The following LTA4H variants were observed in gnomAD, a reference collection of about 807,000 sequenced individuals.
LTA4H encodes leukotriene A4 hydrolase.
A neutral mutation model predicts 89.8 loss-of-function variants in LTA4H; 59 were observed. That is an observed-to-expected ratio of 0.66 (90% CI 0.53 to 0.82). The LOEUF (loss-of-function observed/expected upper bound fraction) is 0.82. LTA4H is among the 40% of genes least tolerant of loss of function. The pLI, the probability that LTA4H is intolerant of heterozygous loss-of-function variation, is 0.00. For synonymous variants in LTA4H, 227 were observed against 253.1 expected, an observed-to-expected ratio of 0.90 and a Z score of 0.98; for missense variants, 617 against 727.0, an observed-to-expected ratio of 0.85 and a Z score of 1.74.
chr12:96,032,055 A>G (rs973927365), intron 1 of LTA4H, among the ~76,000 whole-genome samples: 18 of 152,238 alleles, frequency 1.2e-4, no homozygotes, highest in South Asian at 2.1e-4. Context: ...AGAATTACCT[A>G]TTGTTAACTG....
upstream of LTA4H, among the ~76,000 whole-genome samples, chr12:96,038,144 A>G (rs567580387): frequency 9.8e-5 from 15 of 152,316 alleles, no homozygotes; most frequent in Non-Finnish European, 1.9e-4. Flanking sequence ...TAAAGATTTC[A>G]GAGGTGTGAG....
Position 96,015,644 on chromosome 12 carries a change from A to G in LTA4H, c.998T>C (p.Leu333Ser), listed in dbSNP as rs375869173. The change falls in exon 11 of 19, where the codon TTG becomes TCG. Residue 333 changes from leucine to serine, a missense_variant. Leu to Ser is a moderately radical substitution (Grantham distance 145, BLOSUM62 -2). Around this residue, in one of 3 missense-constraint regions of LTA4H, gnomAD observed 290 missense variants for 339.1 expected, o/e 0.86. Coordinates refer to ENST00000228740, the MANE Select transcript of LTA4H (RefSeq NM_000895.3). The stretch of plus-strand genomic sequence containing the variant: ...AAAATGTCTGAACTTTTCACCAAAC[A>G]ATCGTCCGCAAATGTGGCGTTCCAA... ...VYLERHICGR[L>S]FGEKFRHFNA... 67 of 1,614,028 alleles carry G rather than the reference A, an allele frequency of 4.2e-5. No individual in the cohort carries two copies. The highest frequency in any genetic ancestry group is 5.6e-5 in the Non-Finnish European group (66 of 1,179,996).
chr12:96,029,078 G>A lies in LTA4H; in HGVS notation c.267C>T (p.Ile89=). The change falls in exon 2 of 19, where the codon ATC becomes ATT. Residue 89 remains isoleucine, a synonymous_variant. Transcript: ENST00000228740. Reference sequence around the variant, plus strand: ...ACTTGCTCAAAGCGATAGGAAGAGAGATTTCCATTGGCGATCCCTTGTAAC... The same window carrying A: ...ACTTGCTCAAAGCGATAGGAAGAGAAATTTCCATTGGCGATCCCTTGTAAC... The part of the protein sequence containing the change: ...RQSYKGSPME[I]SLPIALSKNQ... 1 of 1,589,358 alleles carries A rather than the reference G, an allele frequency of 6.3e-7. No homozygotes were observed. Among genetic ancestry groups the A allele is most frequent in the Non-Finnish European group, 8.6e-7 (1 of 1,168,640 alleles).
At chr12:96,020,112 C>T (rs184016763) in intron 6 of LTA4H, among the ~76,000 whole-genome samples, 1 of 151,856 alleles carries the variant, frequency 6.6e-6, no homozygotes, top group Admixed American at 6.6e-5. Context: ...CTTATGTTGC[C>T]CGGCCTGGTC....
intron 18 of LTA4H, among the ~76,000 whole-genome samples, chr12:96,001,576 T>A (rs1024156143): frequency 9.9e-5 from 15 of 152,138 alleles, no homozygotes; most frequent in African/African-American, 3.4e-4. Flanking sequence ...AAACTGCTTT[T>A]AAAAAAAATT....
In LTA4H at chr12:96,017,559, T is replaced by G. The variant is rs1345964123; in HGVS notation, c.874A>C (p.Asn292His). The change falls in exon 9 of 19, where the codon AAT (asparagine) becomes CAT (histidine). Residue 292 changes from asparagine (N) to histidine (H), a missense_variant and splice_region_variant. By Grantham distance (68) the Asn-to-His change is moderately conservative. Coordinates refer to ENST00000228740, the MANE Select transcript of LTA4H (RefSeq NM_000895.3). ...CATAATGAAAAAGTTTAACTTACAT[T>G]GGAGAGTGACTTGTCGCCTGCCTAC... ...TLLAGDKSLS[N>H]VIAHEISHSW... The G allele has an allele frequency of 3.7e-6, 6 of 1,610,396 alleles. No homozygotes were observed. The highest frequency in any genetic ancestry group is 2.7e-5 in the African/African-American group (2 of 74,816).
chr12:96,043,444 G>C, exon 1 of LTA4H: 1 of 943,190 alleles, frequency 1.1e-6, no homozygotes, highest in Non-Finnish European at 1.6e-6. Flanking sequence ...GCATCCTCTT[G>C]CCCTCTTCCC....
Position 96,018,111 on chromosome 12 carries a change from C to T in LTA4H, c.853-531G>A, listed in dbSNP as rs116255620. Among the ~76,000 whole-genome samples the T allele has an allele frequency of 5.2e-3, 791 of 152,208 alleles. 3 individuals carry two copies. The highest frequency in any genetic ancestry group is 0.018 in the African/African-American group (761 of 41,528). On this transcript the variant is annotated intron_variant, in intron 8 of 18. Coordinates refer to ENST00000228740, the MANE Select transcript of LTA4H (RefSeq NM_000895.3). The stretch of plus-strand genomic sequence containing the variant: ...GATTTTTTTTTTAATTGTACCTACA[C>T]ACCAAGTGTAATTGGTATAGTCTGA...
intron 5 of LTA4H, among the ~76,000 whole-genome samples, 179 bp from the exon 6 acceptor site, chr12:96,021,316 T>C (rs1950449798): frequency 6.6e-6 from 1 of 152,234 alleles, no homozygotes; most frequent in Non-Finnish European, 1.5e-5. Flanking sequence ...TAGCTTAAAA[T>C]TGTGATATAA....
chr12:96,021,707 G>A (rs1195913979), intron 5 of LTA4H, among the ~76,000 whole-genome samples: 1 of 149,248 alleles, frequency 6.7e-6, no homozygotes, highest in African/African-American at 2.5e-5. Flanking sequence ...ACACACTCAC[G>A]CATGCATACA....
At chr12:96,025,183 T>C (rs1390056115) in intron 3 of LTA4H, 1 of 152,230 alleles carries the variant, frequency 6.6e-6, no homozygotes, top group Non-Finnish European at 1.5e-5. Flanking sequence ...ACCTGAGAAG[T>C]ATGGCATACT....
At position 96,009,133 on chromosome 12, in the gene LTA4H, C is replaced by CA; in HGVS notation, c.1394dup (p.Thr466AspfsTer18). On this transcript the variant is annotated frameshift_variant, in exon 15 of 19. Transcript: ENST00000228740. LOFTEE classifies it high-confidence loss of function. ...GACTTAAGGCAATACAAGCATTTGT[C>CA]AGAGTCATATCATAACTGCAAAGAT... 6.2e-7 allele frequency: 1 copy of CA among 1,605,914 alleles called. No individual in the cohort carries two copies. Among genetic ancestry groups the CA allele is most frequent in the South Asian group, 1.1e-5 (1 of 90,808 alleles).
rs2136895714 is a variant in LTA4H at position 96,019,047 on chromosome 12, C to T, written c.711+121G>A. Reference sequence around the variant, plus strand: ...TGATAAAAAGAATGTAGCAACTACACATCTACATAAAAGACAATCTGGTTC... The same window carrying T: ...TGATAAAAAGAATGTAGCAACTACATATCTACATAAAAGACAATCTGGTTC... On this transcript the variant is annotated intron_variant, in intron 7 of 18. Transcript: ENST00000228740. The T allele has an allele frequency of 5.2e-6, 6 of 1,146,738 alleles. No individual in the cohort carries two copies. In the Admixed American group the frequency reaches 9.8e-5, roughly 19 times the overall value. 71.0% of individuals were successfully genotyped at this position (1,146,738 alleles called of 1,614,324 possible). A position where few individuals can be genotyped will look rare whatever the true frequency, so the allele number is the denominator to read the frequency against.
intron 5 of LTA4H, 23 bp from the exon 6 acceptor site, chr12:96,021,160 C>A (rs767489650): frequency 1.3e-6 from 2 of 1,570,006 alleles, no homozygotes; most frequent in African/African-American, 2.8e-5. Flanking sequence ...AACAAACGCA[C>A]ACCACGTGCT....
intron 13 of LTA4H, 39 bp from the exon 14 acceptor site, chr12:96,013,297 C>G (rs773607477): frequency 6.3e-6 from 9 of 1,423,668 alleles, no homozygotes; most frequent in Non-Finnish European, 8.9e-6. Context: ...AATAGAATGC[C>G]CTTTCCTGTC....
chr12:96,028,200 G>C (rs1387512540), intron 2 of LTA4H, among the ~76,000 whole-genome samples: 1 of 152,148 alleles, frequency 6.6e-6, no homozygotes, highest in Non-Finnish European at 1.5e-5. Context: ...CTGATAATAA[G>C]GAAACAGCAG....
chr12:96,035,237 C>CG, intron 1 of LTA4H, 124 bp downstream of exon 1: 1 of 956,318 alleles, frequency 1.0e-6, no homozygotes, highest in Non-Finnish European at 1.5e-6. Context: ...GAAGAGCAGA[C>CG]GGGGACGTGG....
At chr12:96,019,316 C>T in intron 6 of LTA4H, 76 bp from the exon 7 acceptor site, 1 of 1,253,250 alleles carries the variant, frequency 8.0e-7, no homozygotes, top group Admixed American at 1.9e-5. Context: ...TAGTTAATGT[C>T]TTGTAGACAA....
At chr12:96,035,707 C>T, upstream of LTA4H, 2 of 1,378,240 alleles carry the variant, frequency 1.5e-6, no homozygotes, top group Non-Finnish European at 1.9e-6. Flanking sequence ...CTACAAGTTC[C>T]ATGGTGCCGC....
Sources: gnomAD v4.1 joint callset for allele counts (sites outside exome capture counted in the v4.1 genomes callset) on GRCh38, gnomAD v4.1.1 for gene constraint, gnomAD v4.1.1 regional missense constraint, MANE v1.5 for transcripts, NCBI Gene and HGNC (gene_info 2026-07-23, HGNC 2026-07-21) for gene names.